NPFFR2: variants seen among roughly 807,000 people sequenced by gnomAD.
NPFFR2 encodes G-protein coupled receptor 74.
In NPFFR2, 15 loss-of-function variants were observed where a neutral mutation model predicts 13.1. That is an observed-to-expected ratio of 1.15 (90% CI 0.77 to 1.76). NPFFR2 has a LOEUF of 1.76. Ranked by LOEUF, NPFFR2 falls within the 40% of genes most tolerant of loss-of-function variation. NPFFR2 has a pLI of 0.00. For synonymous variants in NPFFR2, 190 were observed against 175.7 expected (o/e 1.08, Z -0.65); for missense variants, 572 against 503.5 (o/e 1.14, Z -1.30).
At chr4:72,125,346 A>G (rs554223323) in intron 1 of NPFFR2, among the ~76,000 whole-genome samples, 24 of 152,312 alleles carry the variant, frequency 1.6e-4, no homozygotes, top group African/African-American at 5.5e-4. Context: ...AATTAGTTCA[A>G]CCATTGTGGA....
At chr4:72,123,389 G>A (rs1165334930) in intron 1 of NPFFR2, among the ~76,000 whole-genome samples, 1 of 152,214 alleles carries the variant, frequency 6.6e-6, no homozygotes, top group African/African-American at 2.4e-5. Context: ...AATAGAAAAA[G>A]AGGGACTCCT....
At chr4:72,130,648 C>T (rs1302470082) in intron 2 of NPFFR2, among the ~76,000 whole-genome samples, 1 of 152,108 alleles carries the variant, frequency 6.6e-6, no homozygotes, top group Non-Finnish European at 1.5e-5. Flanking sequence ...CTCTCAAGCC[C>T]CTTGTGGGAG....
chr4:72,043,316 C>G (rs1719283080), intron 1 of NPFFR2, among the ~76,000 whole-genome samples: 1 of 152,198 alleles, frequency 6.6e-6, no homozygotes, highest in African/African-American at 2.4e-5. Flanking sequence ...GGTTGGAGCC[C>G]TGAGAGAGTC....
chr4:72,032,060 G>A lies in NPFFR2; in HGVS notation c.-148G>A. On this transcript the variant is annotated 5_prime_UTR_variant, in exon 1 of 4. Transcript: ENST00000308744. Reference sequence around the variant, plus strand: ...GCGGAAGCCTGGAGTGGAGCAGGCAGTCCGCGGGGGACAGACGTCGGCTGG... The same window carrying A: ...GCGGAAGCCTGGAGTGGAGCAGGCAATCCGCGGGGGACAGACGTCGGCTGG... 1.2e-6 allele frequency: 2 copies of A among 1,614,112 alleles called. No individual in the cohort carries two copies. The highest frequency in any genetic ancestry group is 2.2e-5 in the South Asian group (2 of 91,074).
intron 1 of NPFFR2, among the ~76,000 whole-genome samples, chr4:72,118,934 T>C (rs1721789505): frequency 6.6e-6 from 1 of 152,124 alleles, no homozygotes; most frequent in African/African-American, 2.4e-5. Flanking sequence ...GGATATAGCA[T>C]ATAAGCATAT....
chr4:72,094,624 C>T lies in NPFFR2; in HGVS notation c.-7-33961C>T, dbSNP rs150575351. On this transcript the variant is annotated intron_variant, in intron 1 of 3. Coordinates refer to ENST00000308744, the MANE Select transcript of NPFFR2 (RefSeq NM_004885.3). The stretch of plus-strand genomic sequence containing the variant: ...GTAGGGGAAAGCCGGCAACCTCAGG[C>T]CTCACCCAGCTCCTATGCAGCCTGC... Among the ~76,000 whole-genome samples the T allele has an allele frequency of 4.5e-3, 692 of 152,274 alleles. 3 individuals are homozygous for T. Among genetic ancestry groups the T allele is most frequent in the African/African-American group, 0.016 (663 of 41,556 alleles).
At chr4:72,084,330 A>T (rs1278995238) in intron 1 of NPFFR2, among the ~76,000 whole-genome samples, 1 of 152,154 alleles carries the variant, frequency 6.6e-6, no homozygotes, top group African/African-American at 2.4e-5. Context: ...TGTAGCTGGG[A>T]AACTGCAAAA....
intron 1 of NPFFR2, among the ~76,000 whole-genome samples, chr4:72,103,213 T>G (rs1008043431): frequency 1.3e-5 from 2 of 152,154 alleles, no homozygotes; most frequent in Non-Finnish European, 2.9e-5. Flanking sequence ...ATTATGTGAT[T>G]TATAAAAATT....
chr4:72,045,038 T>G (rs1031044099), intron 1 of NPFFR2, among the ~76,000 whole-genome samples: 2 of 152,196 alleles, frequency 1.3e-5, no homozygotes, highest in East Asian at 3.8e-4. Context: ...TAGATTTAAG[T>G]CTTTATTTCA....
At chr4:72,108,140 A>G (rs1051261981) in intron 1 of NPFFR2, among the ~76,000 whole-genome samples, 1 of 151,964 alleles carries the variant, frequency 6.6e-6, no homozygotes, top group Non-Finnish European at 1.5e-5. Context: ...GCAGTGTTAT[A>G]TACCACAGCA....
intron 1 of NPFFR2, among the ~76,000 whole-genome samples, chr4:72,089,086 G>C (rs1215477263): frequency 2.0e-5 from 3 of 151,972 alleles, no homozygotes; most frequent in Non-Finnish European, 4.4e-5. Context: ...ACGATGTTTG[G>C]TTTTCCATTT....
Position 72,119,199 on chromosome 4 carries a change from A to G in NPFFR2, c.-7-9386A>G, listed in dbSNP as rs532263269. Among the ~76,000 whole-genome samples, 111 of 152,330 alleles carry G rather than the reference A, an allele frequency of 7.3e-4. 1 individual carries two copies. The highest frequency in any genetic ancestry group is 2.6e-3 in the African/African-American group (107 of 41,580). On this transcript the variant is annotated intron_variant, in intron 1 of 3. Transcript: ENST00000308744. ...TGGATTCAAATTTTTTTGTACCAAAATTTCCAATAGATAATGGAGCAAGTC... is the reference window on the plus strand; with the variant it reads ...TGGATTCAAATTTTTTTGTACCAAAGTTTCCAATAGATAATGGAGCAAGTC...
At chr4:72,136,381 A>G (rs1305008008) in intron 2 of NPFFR2, among the ~76,000 whole-genome samples, 1 of 151,866 alleles carries the variant, frequency 6.6e-6, no homozygotes, top group East Asian at 1.9e-4. Flanking sequence ...AAACAAACAA[A>G]CCAAAACAAA....
chr4:72,140,590 T>A (rs1337837924), intron 3 of NPFFR2, among the ~76,000 whole-genome samples: 1 of 152,236 alleles, frequency 6.6e-6, no homozygotes. Flanking sequence ...GAACCAGCCT[T>A]GCATCACAGG....
intron 1 of NPFFR2, among the ~76,000 whole-genome samples, chr4:72,128,171 G>A (rs939700812): frequency 1.3e-5 from 2 of 152,094 alleles, no homozygotes; most frequent in African/African-American, 2.4e-5. Context: ...TGTAGACCTC[G>A]TATCTTCTTC....
intron 1 of NPFFR2, among the ~76,000 whole-genome samples, chr4:72,127,490 A>C (rs1442173506): frequency 7.2e-6 from 1 of 139,858 alleles, no homozygotes; most frequent in South Asian, 2.4e-4. Flanking sequence ...CAGCCTCCCG[A>C]GTAGCTGGGA....
In NPFFR2 at chr4:72,041,204, C is replaced by T. The variant is rs992737184; in HGVS notation, c.-8+9004C>T. Among the ~76,000 whole-genome samples the T allele has an allele frequency of 6.6e-5, 10 of 152,128 alleles. No homozygotes were observed. In the South Asian group the frequency reaches 8.3e-4, roughly 13 times the overall value. ...TATTGTGCCCATCTTTATATCTATGCGTTTCCAATGATTAGCTCCCTCTTA... is the reference window on the plus strand; with the variant it reads ...TATTGTGCCCATCTTTATATCTATGTGTTTCCAATGATTAGCTCCCTCTTA... On this transcript the variant is annotated intron_variant, in intron 1 of 3. Transcript: ENST00000308744.
At chr4:72,125,760 T>G (rs1051845234) in intron 1 of NPFFR2, among the ~76,000 whole-genome samples, 1 of 152,216 alleles carries the variant, frequency 6.6e-6, no homozygotes, top group African/African-American at 2.4e-5. Flanking sequence ...CTTTGTCTCT[T>G]CCACTTTTAA....
At chr4:72,036,400 G>T (rs191447368) in intron 1 of NPFFR2, among the ~76,000 whole-genome samples, 2 of 151,956 alleles carry the variant, frequency 1.3e-5, no homozygotes, top group Admixed American at 6.6e-5. Flanking sequence ...CAGTCCTCAT[G>T]AAGATTTTTC....
Sources: allele counts gnomAD v4.1 joint callset (sites outside exome capture counted in the v4.1 genomes callset), GRCh38; gene constraint gnomAD v4.1.1; transcripts MANE v1.5; gene names NCBI Gene and HGNC (gene_info 2026-07-23, HGNC 2026-07-21).